AMD1: variants seen among roughly 807,000 people sequenced by gnomAD.
AMD1 encodes the protein S-adenosylmethionine decarboxylase proenzyme.
In AMD1, 11 loss-of-function variants were observed where a neutral mutation model predicts 40.2. That is an observed-to-expected ratio of 0.27 (90% CI 0.17 to 0.45). The LOEUF is 0.45. Among genes scored for constraint, AMD1 ranks in the 20% least tolerant of loss-of-function variants. The pLI is 1.00. For missense variants in AMD1, 257 were observed against 410.2 expected, an observed-to-expected ratio of 0.63 and a Z score of 3.23; for synonymous variants, 121 against 130.8, an observed-to-expected ratio of 0.93 and a Z score of 0.51.
chr6:110,879,662 G>A (rs2115278874), intron 1 of AMD1, among the ~76,000 whole-genome samples: 1 of 152,260 alleles, frequency 6.6e-6, no homozygotes, highest in East Asian at 1.9e-4. Context: ...TGGGGTAGAG[G>A]CACCCTGATG....
the AMD1 span, among the ~76,000 whole-genome samples, chr6:110,829,726 G>A: frequency 6.6e-6 from 1 of 151,764 alleles, no homozygotes; most frequent in African/African-American, 2.4e-5. Flanking sequence ...CGAGCCTGTA[G>A]TCCCAGCTAC....
the AMD1 span, chr6:110,858,937 C>A: frequency 1.0e-6 from 1 of 985,914 alleles, no homozygotes; most frequent in Non-Finnish European, 1.6e-6. Flanking sequence ...AAGCTGGGAA[C>A]CGACAAGTGT....
chr6:110,890,013 AAG>A (rs143903348), intron 3 of AMD1: 7,347 of 360,186 alleles, frequency 0.02, 31 homozygotes, highest in African/African-American at 0.04. Flanking sequence ...TTTTAAAAAA[AAG>A]AGAGAGAGAG....
chr6:110,844,265 C>CT, the AMD1 span, among the ~76,000 whole-genome samples: 27,877 of 143,638 alleles, frequency 0.19, 2,785 homozygotes, highest in South Asian at 0.35. Context: ...GAATTATAAT[C>CT]TTTTTTTTTT....
At chr6:110,880,196 A>G (rs1379575088) in intron 1 of AMD1, among the ~76,000 whole-genome samples, 1 of 152,118 alleles carries the variant, frequency 6.6e-6, no homozygotes, top group Non-Finnish European at 1.5e-5. Context: ...ACTTCAAGTG[A>G]TTGAGCCATC....
the AMD1 span, among the ~76,000 whole-genome samples, chr6:110,853,604 G>A: frequency 6.6e-6 from 1 of 152,084 alleles, no homozygotes; most frequent in Non-Finnish European, 1.5e-5. Context: ...ACCGCACCTG[G>A]CCATTTTTGT....
the AMD1 span, among the ~76,000 whole-genome samples, chr6:110,840,715 G>A: frequency 6.6e-6 from 1 of 150,580 alleles, no homozygotes; most frequent in Admixed American, 6.6e-5. Context: ...GGCCCTCTCT[G>A]GTGAGGGTCT....
In AMD1 at chr6:110,892,356, C is replaced by T; in HGVS notation, c.528C>T (p.Thr176=). The change falls in exon 6 of 9, where the codon ACC becomes ACT. Residue 176 remains threonine, a synonymous_variant. Coordinates refer to ENST00000368885, the MANE Select transcript of AMD1 (RefSeq NM_001634.6). ...GGGTAATCAGTCAGCCAGATCAAAC[C>T]TTGGAAATTCTGATGAGTGAGCTTG... ...ESRVISQPDQ[T]LEILMSELDP... The T allele has an allele frequency of 6.2e-7, 1 of 1,613,212 alleles. No individual in the cohort carries two copies. The highest frequency in any genetic ancestry group is 8.5e-7 in the Non-Finnish European group (1 of 1,180,028).
the AMD1 span, among the ~76,000 whole-genome samples, chr6:110,829,894 G>A: frequency 1.3e-5 from 2 of 152,022 alleles, no homozygotes; most frequent in Non-Finnish European, 2.9e-5. Flanking sequence ...AACCCTGAAG[G>A]CTTTAATCCA....
the AMD1 span, chr6:110,815,100 G>A: frequency 1.2e-6 from 2 of 1,601,954 alleles, no homozygotes; most frequent in African/African-American, 1.4e-5. Flanking sequence ...ACCCGCTCCC[G>A]CTCCGCCGCC....
At chr6:110,874,175 A>G (rs1167935256), upstream of AMD1, among the ~76,000 whole-genome samples, 3 of 152,244 alleles carry the variant, frequency 2.0e-5, no homozygotes, top group Admixed American at 1.3e-4. Context: ...TATTGTATAA[A>G]CCAGCCGAGG....
At chr6:110,842,095 G>A in the AMD1 span, among the ~76,000 whole-genome samples, 4 of 152,022 alleles carry the variant, frequency 2.6e-5, no homozygotes, top group Non-Finnish European at 5.9e-5. Context: ...GAGCCATCTA[G>A]CCCGGCAAAA....
chr6:110,892,891 TG>T lies in AMD1; in HGVS notation c.709-18del. On this transcript the variant is annotated intron_variant, in intron 7 of 8. Coordinates refer to ENST00000368885, the MANE Select transcript of AMD1 (RefSeq NM_001634.6). ...TGAATAGTCTTTCCATTCTTAACAC[TG>T]TGAACTTTTTCTCTCAGGGAACTTA... is the stretch of plus-strand genomic sequence containing the variant. The T allele has an allele frequency of 2.0e-6, 3 of 1,473,342 alleles. No individual in the cohort carries two copies. In the South Asian group the frequency reaches 3.4e-5, roughly 17 times the overall value. The allele number at this position is 1,473,342 out of a possible 1,614,324, so 91.3% of individuals were successfully genotyped here. A position where few individuals can be genotyped will look rare whatever the true frequency, so the allele number is the denominator to read the frequency against.
In AMD1 at chr6:110,892,722, T is replaced by TG. The variant is rs745606227; in HGVS notation, c.616-13_616-12insG. ...TCAAACCCTTGTTAAACTCGGTCTT[T>TG]TTCCCCCCCCAGGAGAGTGGAATTC... On this transcript the variant is annotated splice_polypyrimidine_tract_variant and intron_variant, in intron 6 of 8. Transcript: ENST00000368885. 8.6e-6 allele frequency: 13 copies of TG among 1,509,742 alleles called. No individual in the cohort carries two copies. Among genetic ancestry groups the TG allele is most frequent in the African/African-American group, 2.2e-5 (1 of 45,424 alleles). The allele number at this position is 1,509,742 out of a possible 1,614,324, so 93.5% of individuals were successfully genotyped here. A position where few individuals can be genotyped will look rare whatever the true frequency, so the allele number is the denominator to read the frequency against.
At chr6:110,864,571 A>C in the AMD1 span, 1 of 152,374 alleles carries the variant, frequency 6.6e-6, no homozygotes, top group East Asian at 1.9e-4. Flanking sequence ...ATTTGTCCTC[A>C]GAAAACATGG....
chr6:110,862,470 A>AT, the AMD1 span, among the ~76,000 whole-genome samples: 13,273 of 119,896 alleles, frequency 0.11, 851 homozygotes, highest in East Asian at 0.37. Context: ...CTATTTACTT[A>AT]TTTTTTTTTT....
At chr6:110,885,290 T>C (rs2115295246) in intron 1 of AMD1, among the ~76,000 whole-genome samples, 1 of 152,118 alleles carries the variant, frequency 6.6e-6, no homozygotes, top group Non-Finnish European at 1.5e-5. Context: ...TTTTTGTGTT[T>C]TTAGTAGAGA....
chr6:110,835,073 C>T, the AMD1 span, among the ~76,000 whole-genome samples: 2 of 146,088 alleles, frequency 1.4e-5, no homozygotes, highest in Non-Finnish European at 3.0e-5. Context: ...GGCTGGAGTG[C>T]AGTGGCACGA....
the AMD1 span, among the ~76,000 whole-genome samples, chr6:110,822,437 A>T: frequency 6.6e-6 from 1 of 152,260 alleles, no homozygotes; most frequent in East Asian, 1.9e-4. Flanking sequence ...GCCAAGAAAA[A>T]AAAAGCCCAG....
Sources: allele counts gnomAD v4.1 joint callset (sites outside exome capture counted in the v4.1 genomes callset), GRCh38; gene constraint gnomAD v4.1.1; transcripts MANE v1.5; gene names NCBI Gene and HGNC (gene_info 2026-07-23, HGNC 2026-07-21).